Variants in BTBD9 observed in about 807,000 individuals in gnomAD.
BTBD9 encodes BTB domain containing 9.
Under a neutral mutation model 64.3 loss-of-function variants are expected in BTBD9, and 49 were observed. The ratio of observed to expected loss-of-function variants is 0.76; its 90% CI spans 0.61 to 0.97. The LOEUF is 0.97. Ranked by LOEUF, BTBD9 falls within the 50% of genes least tolerant of loss-of-function variation. The probability of loss-of-function intolerance (pLI) is 0.00; values close to 1 mark genes in which losing one functional copy is unlikely to be tolerated. For missense variants in BTBD9, 598 were observed against 762.1 expected (o/e 0.78, Z 2.53); for synonymous variants, 260 against 274.7 (o/e 0.95, Z 0.53).
chr6:38,518,837 T>A (rs557715563), intron 6 of BTBD9, among the ~76,000 whole-genome samples: 27 of 152,266 alleles, frequency 1.8e-4, no homozygotes, highest in Admixed American at 1.5e-3. Context: ...ATACAAGGGA[T>A]AAGGTTAGAT....
chr6:38,303,725 T>A (rs1451585612), intron 7 of BTBD9, among the ~76,000 whole-genome samples: 3 of 151,630 alleles, frequency 2.0e-5, no homozygotes, highest in African/African-American at 7.3e-5. Context: ...AAGGCTGGGA[T>A]CAGCACTCAG....
At chr6:38,455,977 C>CTT (rs200062269) in intron 6 of BTBD9, among the ~76,000 whole-genome samples, 1 of 145,790 alleles carries the variant, frequency 6.9e-6, no homozygotes, top group African/African-American at 2.5e-5. Context: ...GCACCTAGCC[C>CTT]TTTTTTTTTT....
chr6:38,202,457 C>A (rs148135921), intron 9 of BTBD9, among the ~76,000 whole-genome samples: 16 of 152,000 alleles, frequency 1.1e-4, no homozygotes, highest in African/African-American at 3.4e-4. Flanking sequence ...GCCAGTATAG[C>A]TAAAGCAATC....
chr6:38,543,949 T>C (rs1460732808), intron 6 of BTBD9, among the ~76,000 whole-genome samples: 2 of 144,620 alleles, frequency 1.4e-5, no homozygotes, highest in Non-Finnish European at 3.0e-5. Flanking sequence ...ACAGCGAGAC[T>C]CCGTCTCAAA....
chr6:38,188,178 G>C, intron 10 of BTBD9, among the ~76,000 whole-genome samples: 2 of 152,234 alleles, frequency 1.3e-5, no homozygotes, highest in East Asian at 3.8e-4. Flanking sequence ...CAGCTGCCGG[G>C]GGTGTTTGGA....
At chr6:38,207,846 G>C (rs755848405) in intron 9 of BTBD9, among the ~76,000 whole-genome samples, 10 of 152,052 alleles carry the variant, frequency 6.6e-5, no homozygotes, top group Non-Finnish European at 1.2e-4. Flanking sequence ...CTTTTTAAAA[G>C]AGGAAAAAGA....
In BTBD9 at chr6:38,592,600, C is replaced by T. The variant is rs779232115; in HGVS notation, c.790G>A (p.Asp264Asn). Residue 264 changes from aspartate (D) to asparagine (N), a missense_variant, in exon 4 of 11, where the codon GAC (aspartate) becomes AAC (asparagine). By Grantham distance (23) the Asp-to-Asn change is conservative (BLOSUM62 1). Transcript: ENST00000481247. ...IKVRSESRDM[D>N]LNYRGMLIPE... Reference sequence around the variant, plus strand: ...CTGAGCATGCCTCTATAATTGAGGTCCATATCCCGGCTCTCAGATCGCACT... The same window carrying T: ...CTGAGCATGCCTCTATAATTGAGGTTCATATCCCGGCTCTCAGATCGCACT... 1.2e-5 allele frequency: 19 copies of T among 1,614,072 alleles called. No homozygotes were observed. The highest frequency in any genetic ancestry group is 1.5e-5 in the Non-Finnish European group (18 of 1,180,012).
At chr6:38,232,163 A>G (rs141620287) in intron 9 of BTBD9, among the ~76,000 whole-genome samples, 77 of 152,310 alleles carry the variant, frequency 5.1e-4, no homozygotes, top group African/African-American at 1.9e-3. Flanking sequence ...AAAACAGGAC[A>G]AAGTGAGGGC....
intron 2 of BTBD9, among the ~76,000 whole-genome samples, chr6:38,596,800 CAA>C (rs751074318): frequency 2.4e-4 from 15 of 61,716 alleles, no homozygotes; most frequent in East Asian, 4.8e-4. Flanking sequence ...GACTCCGTCT[CAA>C]AAAAAAAAAA....
At chr6:38,325,070 T>G (rs1349542887) in intron 7 of BTBD9, among the ~76,000 whole-genome samples, 1 of 152,202 alleles carries the variant, frequency 6.6e-6, no homozygotes, top group African/African-American at 2.4e-5. Context: ...ATTATTATGA[T>G]GGAACATTAA....
Position 38,171,002 on chromosome 6 carries a change from T to G in BTBD9, c.*3983A>C, listed in dbSNP as rs1356972949. 2 of 152,254 alleles carry G rather than the reference T, an allele frequency of 1.3e-5. No homozygotes were observed. The highest frequency in any genetic ancestry group is 2.9e-5 in the Non-Finnish European group (2 of 68,038). The allele number at this position is 152,254 out of a possible 1,614,324, so 9.4% of individuals were successfully genotyped here. Reference sequence around the variant, plus strand: ...CTCCTGGAAGGAAGCAAATTTAATTTTCTTTTCCTCTTTGACACCTTTCTT... The same window carrying G: ...CTCCTGGAAGGAAGCAAATTTAATTGTCTTTTCCTCTTTGACACCTTTCTT... On this transcript the variant is annotated 3_prime_UTR_variant, in exon 11 of 11. Coordinates refer to ENST00000481247, the MANE Select transcript of BTBD9 (RefSeq NM_001099272.2).
intron 6 of BTBD9, among the ~76,000 whole-genome samples, chr6:38,382,812 G>A (rs1765995792): frequency 6.6e-6 from 1 of 152,068 alleles, no homozygotes; most frequent in African/African-American, 2.4e-5. Context: ...TAGTTGAAAT[G>A]GACAAATTTC....
chr6:38,306,722 G>T (rs1157383171), intron 7 of BTBD9, among the ~76,000 whole-genome samples: 1 of 152,160 alleles, frequency 6.6e-6, no homozygotes, highest in African/African-American at 2.4e-5. Context: ...ACCTGTACCA[G>T]CTATATTTAA....
At position 38,443,476 on chromosome 6, in the gene BTBD9, C is replaced by T. The variant is rs142693447; in HGVS notation, c.1155-98383G>A. ...TTCCCCTTATTCTGGCATATCAACT[C>T]GTATTTCCCAATTTCCCACTATAAA... On this transcript the variant is annotated intron_variant, in intron 6 of 10. Coordinates refer to ENST00000481247, the MANE Select transcript of BTBD9 (RefSeq NM_001099272.2). Among the ~76,000 whole-genome samples the T allele has an allele frequency of 1.1e-3, 160 of 152,262 alleles. 2 individuals carry two copies. The South Asian group carries it at 0.018, about 17-fold the overall frequency.
At chr6:38,401,127 CCACATGTCAAGGGAGG>C (rs1337993443) in intron 6 of BTBD9, among the ~76,000 whole-genome samples, 1 of 152,282 alleles carries the variant, frequency 6.6e-6, no homozygotes, top group Non-Finnish European at 1.5e-5. Flanking sequence ...ATTGTAATCC[CCACATGTCAAGGGAGG>C]GACCTGGTGG....
intron 1 of BTBD9, among the ~76,000 whole-genome samples, chr6:38,614,725 A>G (rs1468192831): frequency 6.6e-6 from 1 of 152,130 alleles, no homozygotes; most frequent in East Asian, 1.9e-4. Context: ...TTTCAAGTCA[A>G]TTTACTTCTT....
At chr6:38,400,043 T>C (rs1313720032) in intron 6 of BTBD9, among the ~76,000 whole-genome samples, 1 of 152,000 alleles carries the variant, frequency 6.6e-6, no homozygotes, top group African/African-American at 2.4e-5. Flanking sequence ...ATTACAGGTG[T>C]GAGCCACTGT....
intron 9 of BTBD9, among the ~76,000 whole-genome samples, chr6:38,224,159 G>C (rs1309434068): frequency 1.3e-5 from 2 of 152,156 alleles, no homozygotes; most frequent in African/African-American, 2.4e-5. Context: ...GTTGCAGTGA[G>C]CTGAGATTGT....
At chr6:38,322,067 G>A (rs181341290) in intron 7 of BTBD9, among the ~76,000 whole-genome samples, 10 of 151,894 alleles carry the variant, frequency 6.6e-5, no homozygotes. Context: ...CAAAGCCCTG[G>A]CCCTTTCCCA....
Sources: allele counts gnomAD v4.1 joint callset (sites outside exome capture counted in the v4.1 genomes callset), GRCh38; gene constraint gnomAD v4.1.1; transcripts MANE v1.5; gene names NCBI Gene and HGNC (gene_info 2026-07-23, HGNC 2026-07-21).